DOK6: variants seen among roughly 807,000 people sequenced by gnomAD.
DOK6 encodes docking protein 6.
Under a neutral mutation model 44.0 loss-of-function variants are expected in DOK6, and 22 were observed. The observed-to-expected ratio is 0.50, with a 90% CI of 0.36 to 0.71. The LOEUF (loss-of-function observed/expected upper bound fraction) is 0.71, where lower values mean the gene tolerates loss of function less well. DOK6 is among the 30% of genes least tolerant of loss of function. The pLI is 0.00. For missense variants in DOK6, 340 were observed against 416.4 expected, an observed-to-expected ratio of 0.82 and a Z score of 1.60; for synonymous variants, 166 against 145.5, an observed-to-expected ratio of 1.14 and a Z score of -1.01.
chr18:69,841,059 A>G (rs1263709194), intron 7 of DOK6, among the ~76,000 whole-genome samples, 185 bp from the exon 8 acceptor site: 3 of 152,248 alleles, frequency 2.0e-5, no homozygotes, highest in Admixed American at 1.3e-4. Flanking sequence ...ATCAAGGATC[A>G]AGGCAACAAG....
chr18:69,556,743 C>A (rs777016679), intron 1 of DOK6, among the ~76,000 whole-genome samples: 4 of 152,170 alleles, frequency 2.6e-5, no homozygotes, highest in Non-Finnish European at 4.4e-5. Context: ...ATCTATGGAT[C>A]TACCTATCTA....
chr18:69,720,938 C>T, intron 5 of DOK6, among the ~76,000 whole-genome samples: 1 of 152,106 alleles, frequency 6.6e-6, no homozygotes, highest in East Asian at 1.9e-4. Context: ...TTTTACTTTC[C>T]TACTAAAATG....
In DOK6 at chr18:69,834,055, T is replaced by G. The variant is rs188145452; in HGVS notation, c.857-7189T>G. 5.1e-4 allele frequency among the ~76,000 whole-genome samples: 78 copies of G among 152,304 alleles called. No individual in the cohort carries two copies. In the East Asian group the frequency reaches 0.011, roughly 22 times the overall value. On this transcript the variant is annotated intron_variant, in intron 7 of 7. Coordinates refer to ENST00000382713, the MANE Select transcript of DOK6 (RefSeq NM_152721.6). ...ACACATCCAAAAGAAAGGAAATTAG[T>G]ATGTCAAGGAGGTATTTGCATTCCC...
At chr18:69,837,415 C>A (rs1317364890) in intron 7 of DOK6, among the ~76,000 whole-genome samples, 1 of 151,992 alleles carries the variant, frequency 6.6e-6, no homozygotes, top group Non-Finnish European at 1.5e-5. Flanking sequence ...GATGACAGAG[C>A]CCTCATGACC....
chr18:69,751,280 G>C (rs954777081), intron 6 of DOK6, among the ~76,000 whole-genome samples: 3 of 152,066 alleles, frequency 2.0e-5, no homozygotes, highest in African/African-American at 7.2e-5. Context: ...ATAAGTATTT[G>C]AATTAATGGT....
chr18:69,627,110 A>G (rs1984574480), intron 3 of DOK6, among the ~76,000 whole-genome samples: 1 of 152,200 alleles, frequency 6.6e-6, no homozygotes, highest in Non-Finnish European at 1.5e-5. Flanking sequence ...AGTCCTGCCG[A>G]GTCATGGCCT....
chr18:69,623,711 A>C (rs992607387), intron 3 of DOK6, among the ~76,000 whole-genome samples: 1 of 152,204 alleles, frequency 6.6e-6, no homozygotes, highest in African/African-American at 2.4e-5. Flanking sequence ...AGTGTCCTAC[A>C]CTTTGAACTC....
intron 6 of DOK6, among the ~76,000 whole-genome samples, chr18:69,742,625 C>G (rs1978844415): frequency 6.6e-6 from 1 of 152,066 alleles, no homozygotes; most frequent in South Asian, 2.1e-4. Context: ...TAACCATTCA[C>G]AAGATTATAA....
chr18:69,644,510 G>T (rs1319205866), intron 3 of DOK6, among the ~76,000 whole-genome samples: 8 of 152,134 alleles, frequency 5.3e-5, no homozygotes, highest in Admixed American at 5.2e-4. Context: ...TAATGAAAAG[G>T]TTACCATTCC....
rs534385169 is a variant in DOK6 at position 69,730,488 on chromosome 18, T to A, written c.600-8477T>A. Reference sequence around the variant, plus strand: ...TATATAGCTAAGAAGATCAAAGATATCAAGGAACAATACAAACTGATTGAT... The same window carrying A: ...TATATAGCTAAGAAGATCAAAGATAACAAGGAACAATACAAACTGATTGAT... On this transcript the variant is annotated intron_variant, in intron 5 of 7. Transcript: ENST00000382713. Among the ~76,000 whole-genome samples, 3 of 152,326 alleles carry A rather than the reference T, an allele frequency of 2.0e-5. No individual in the cohort carries two copies. The South Asian group carries it at 6.2e-4, about 32-fold the overall frequency.
chr18:69,496,606 T>G (rs1430244096), intron 1 of DOK6, among the ~76,000 whole-genome samples: 1 of 152,260 alleles, frequency 6.6e-6, no homozygotes, highest in Non-Finnish European at 1.5e-5. Context: ...TCTTTTTTCT[T>G]GACTAATCTC....
intron 7 of DOK6, among the ~76,000 whole-genome samples, chr18:69,813,045 G>A (rs181812867): frequency 8.5e-4 from 130 of 152,168 alleles, no homozygotes; most frequent in Non-Finnish European, 1.6e-3. Context: ...CATCAAGCAC[G>A]TTTCACCTGA....
At chr18:69,546,562 T>G (rs1294816700) in intron 1 of DOK6, among the ~76,000 whole-genome samples, 1 of 151,608 alleles carries the variant, frequency 6.6e-6, no homozygotes, top group Non-Finnish European at 1.5e-5. Flanking sequence ...TATATTTAGA[T>G]TTGTAAATAT....
chr18:69,778,918 G>A (rs1980165145), intron 7 of DOK6, among the ~76,000 whole-genome samples: 1 of 152,062 alleles, frequency 6.6e-6, no homozygotes, highest in Admixed American at 6.6e-5. Context: ...CCCCTAATGA[G>A]TGGAATGGGG....
chr18:69,484,956 G>A (rs1980532664), intron 1 of DOK6, among the ~76,000 whole-genome samples: 1 of 152,116 alleles, frequency 6.6e-6, no homozygotes, highest in African/African-American at 2.4e-5. Context: ...GTCACCTGCT[G>A]GGCTTCAGCT....
chr18:69,621,000 C>T (rs992537569), intron 3 of DOK6, among the ~76,000 whole-genome samples: 2 of 152,154 alleles, frequency 1.3e-5, no homozygotes, highest in African/African-American at 4.8e-5. Flanking sequence ...GTCACTCAGG[C>T]ATTCTACATC....
intron 5 of DOK6, among the ~76,000 whole-genome samples, chr18:69,734,096 C>A (rs1978514600): frequency 6.6e-6 from 1 of 151,610 alleles, no homozygotes; most frequent in South Asian, 2.1e-4. Context: ...TTTTTTTCCC[C>A]ATTTGCTTTC....
intron 6 of DOK6, among the ~76,000 whole-genome samples, chr18:69,754,017 T>C (rs1389684015): frequency 6.6e-6 from 1 of 152,218 alleles, no homozygotes; most frequent in African/African-American, 2.4e-5. Context: ...TTTGTTGATA[T>C]ACATACTTTT....
intron 1 of DOK6, among the ~76,000 whole-genome samples, chr18:69,438,226 C>T (rs985398491): frequency 3.3e-5 from 5 of 152,178 alleles, no homozygotes; most frequent in Admixed American, 6.6e-5. Flanking sequence ...TAGAACTTCG[C>T]TCACAATTGG....
Sources: allele counts gnomAD v4.1 joint callset (sites outside exome capture counted in the v4.1 genomes callset), GRCh38; gene constraint gnomAD v4.1.1; transcripts MANE v1.5; gene names NCBI Gene and HGNC (gene_info 2026-07-23, HGNC 2026-07-21).